Variants in MAP3K7 observed in about 807,000 individuals in gnomAD.
The protein encoded by MAP3K7 is TGF-beta activated kinase 1.
In MAP3K7, 21 loss-of-function variants were observed where a neutral mutation model predicts 84.8. The ratio of observed to expected loss-of-function variants is 0.25; its 90% CI spans 0.18 to 0.36. The LOEUF is 0.36. Ranked by LOEUF, MAP3K7 falls within the 10% of genes least tolerant of loss-of-function variation. MAP3K7 has a pLI of 1.00. For synonymous variants in MAP3K7, 241 were observed against 247.7 expected, an observed-to-expected ratio of 0.97 and a Z score of 0.25; for missense variants, 503 against 747.7, an observed-to-expected ratio of 0.67 and a Z score of 3.82.
chr6:90,557,609 A>C (rs983534081), intron 5 of MAP3K7, among the ~76,000 whole-genome samples: 3 of 152,182 alleles, frequency 2.0e-5, no homozygotes, highest in African/African-American at 7.2e-5. Flanking sequence ...TCAAACTCTT[A>C]CACTTTTTAC....
intron 13 of MAP3K7, 128 bp downstream of exon 13, chr6:90,536,209 G>C (rs1013104309): frequency 4.6e-5 from 29 of 634,902 alleles, no homozygotes; most frequent in Non-Finnish European, 8.0e-5. Context: ...TTTAAGTTCA[G>C]GTGCAATGAA....
At chr6:90,576,230 T>C (rs1777071143) in intron 1 of MAP3K7, among the ~76,000 whole-genome samples, 1 of 151,942 alleles carries the variant, frequency 6.6e-6, no homozygotes, top group Non-Finnish European at 1.5e-5. Flanking sequence ...GAGACCATCC[T>C]GGCTAACACG....
At chr6:90,556,714 G>C (rs1476624402) in intron 5 of MAP3K7, 90 bp from the exon 6 acceptor site, 11 of 1,321,630 alleles carry the variant, frequency 8.3e-6, no homozygotes, top group South Asian at 7.5e-5. Flanking sequence ...AAATGGAAAA[G>C]GTTAAGCAAA....
chr6:90,553,451 T>C lies in MAP3K7; in HGVS notation c.736+7A>G, dbSNP rs1449226194. 1 of 1,604,146 alleles carries C rather than the reference T, an allele frequency of 6.2e-7. No individual in the cohort carries two copies. Among genetic ancestry groups the C allele is most frequent in the Admixed American group, 1.7e-5 (1 of 57,250 alleles). The stretch of plus-strand genomic sequence containing the variant: ...AGTACTTTTAAGAAAAATTTCTTTT[T>C]ACGAACCATTATGAACAGCCCACAT... On this transcript the variant is annotated splice_region_variant and intron_variant, in intron 7 of 16. Coordinates refer to ENST00000369329, the MANE Select transcript of MAP3K7 (RefSeq NM_145331.3).
In MAP3K7 at chr6:90,586,894, G is replaced by A. The variant is rs777300789; in HGVS notation, c.-11C>T. On this transcript the variant is annotated 5_prime_UTR_variant, in exon 1 of 17. Coordinates refer to ENST00000369329, the MANE Select transcript of MAP3K7 (RefSeq NM_145331.3). ...AGAGGCTGTAGACATGATCCCTCGC[G>A]GCGCCCGGTGGGGCCGGGAACGGTG... The A allele has an allele frequency of 1.2e-6, 2 of 1,600,788 alleles. No individual in the cohort carries two copies. The highest frequency in any genetic ancestry group is 2.2e-5 in the South Asian group (2 of 90,514).
intron 14 of MAP3K7, among the ~76,000 whole-genome samples, chr6:90,523,422 G>A (rs968175827): frequency 6.6e-6 from 1 of 151,116 alleles, no homozygotes; most frequent in African/African-American, 2.4e-5. Flanking sequence ...CTTCGCAACT[G>A]GAAAAAAACC....
intron 13 of MAP3K7, among the ~76,000 whole-genome samples, chr6:90,529,284 C>T (rs150125): frequency 0.71 from 107,432 of 151,932 alleles, 38,332 homozygotes; most frequent in Middle Eastern, 0.8. Flanking sequence ...AAAGATAATA[C>T]GGCGTAGTGC....
In MAP3K7 at chr6:90,584,032, G is replaced by A. The variant is rs555627988; in HGVS notation, c.120+2732C>T. 4.6e-5 allele frequency among the ~76,000 whole-genome samples: 7 copies of A among 152,134 alleles called. No homozygotes were observed. The East Asian group carries it at 5.8e-4, about 13-fold the overall frequency. On this transcript the variant is annotated intron_variant, in intron 1 of 16. Transcript: ENST00000369329. Reference sequence around the variant, plus strand: ...TATCTACTAAATGGCTGCATATTTGGCCTGTAGTTGAATTATTATTTTTTT... The same window carrying A: ...TATCTACTAAATGGCTGCATATTTGACCTGTAGTTGAATTATTATTTTTTT...
chr6:90,548,028 T>G lies in MAP3K7; in HGVS notation c.1080+19A>C. 1 of 1,600,170 alleles carries G rather than the reference T, an allele frequency of 6.2e-7. No homozygotes were observed. The highest frequency in any genetic ancestry group is 1.7e-5 in the Admixed American group (1 of 57,862). Reference sequence around the variant, plus strand: ...CTACTGGTAAGGTTACCAGTTTTACTTGTAATAACATAACAAACCTGTTGC... The same window carrying G: ...CTACTGGTAAGGTTACCAGTTTTACGTGTAATAACATAACAAACCTGTTGC... On this transcript the variant is annotated intron_variant, in intron 10 of 16. Coordinates refer to ENST00000369329, the MANE Select transcript of MAP3K7 (RefSeq NM_145331.3).
intron 2 of MAP3K7, among the ~76,000 whole-genome samples, chr6:90,569,172 A>G (rs1776816888): frequency 6.6e-6 from 1 of 152,218 alleles, no homozygotes; most frequent in African/African-American, 2.4e-5. Context: ...CTCAAGTCTC[A>G]GAGAGGGTTG....
Position 90,587,002 on chromosome 6 carries a change from G to A in MAP3K7, c.-119C>T. ...CTGGAGCCGCGCAGTCCTACTACCC[G>A]GCGATCCGTGGCGGGGGTAGAGGCA... On this transcript the variant is annotated 5_prime_UTR_variant, in exon 1 of 17. Transcript: ENST00000369329. The A allele has an allele frequency of 8.3e-7, 1 of 1,211,046 alleles. No individual in the cohort carries two copies. Among genetic ancestry groups the A allele is most frequent in the Non-Finnish European group, 1.1e-6 (1 of 923,182 alleles). The allele number at this position is 1,211,046 out of a possible 1,614,324, so 75.0% of individuals were successfully genotyped here. A position where few individuals can be genotyped will look rare whatever the true frequency, so the allele number is the denominator to read the frequency against.
intron 2 of MAP3K7, among the ~76,000 whole-genome samples, chr6:90,571,446 C>A (rs547097927): frequency 5.3e-5 from 8 of 151,926 alleles, no homozygotes; most frequent in Admixed American, 1.3e-4. Flanking sequence ...ATCTGAATTC[C>A]ATGGATGAAA....
At chr6:90,564,372 A>T (rs1203183695) in intron 3 of MAP3K7, among the ~76,000 whole-genome samples, 1 of 152,178 alleles carries the variant, frequency 6.6e-6, no homozygotes, top group Admixed American at 6.5e-5. Flanking sequence ...GGATGGAGGA[A>T]GATCTACCAA....
chr6:90,558,865 A>C (rs1415660711), intron 5 of MAP3K7, among the ~76,000 whole-genome samples: 1 of 152,242 alleles, frequency 6.6e-6, no homozygotes, highest in African/African-American at 2.4e-5. Context: ...TGGGTGTTGC[A>C]TCAGATGCGT....
chr6:90,555,127 A>C (rs1256274982), intron 6 of MAP3K7, among the ~76,000 whole-genome samples: 2 of 152,270 alleles, frequency 1.3e-5, no homozygotes, highest in Non-Finnish European at 2.9e-5. Flanking sequence ...TTTTATACAG[A>C]AACCTAGCAT....
At chr6:90,548,427 T>A (rs923705572) in intron 9 of MAP3K7, among the ~76,000 whole-genome samples, 1 of 152,196 alleles carries the variant, frequency 6.6e-6, no homozygotes, top group Admixed American at 6.5e-5. Context: ...TAACCTGAGC[T>A]AGTAGAAGAA....
At chr6:90,566,077 G>C (rs1034860818) in intron 3 of MAP3K7, among the ~76,000 whole-genome samples, 1 of 152,078 alleles carries the variant, frequency 6.6e-6, no homozygotes, top group African/African-American at 2.4e-5. Context: ...AATAATAAGA[G>C]CTATTTATGA....
intron 3 of MAP3K7, among the ~76,000 whole-genome samples, chr6:90,563,595 T>A (rs1776596888): frequency 6.6e-6 from 1 of 152,136 alleles, no homozygotes; most frequent in Admixed American, 6.5e-5. Flanking sequence ...TACATCTCAT[T>A]AGTGTACCTG....
At chr6:90,569,019 CATT>C (rs753455246) in intron 2 of MAP3K7, among the ~76,000 whole-genome samples, 18 of 152,156 alleles carry the variant, frequency 1.2e-4, no homozygotes, top group Admixed American at 3.3e-4. Context: ...GTCATGCTAT[CATT>C]GTTATCATCT....
Sources: allele counts gnomAD v4.1 joint callset (sites outside exome capture counted in the v4.1 genomes callset), GRCh38; gene constraint gnomAD v4.1.1; transcripts MANE v1.5; gene names NCBI Gene and HGNC (gene_info 2026-07-23, HGNC 2026-07-21).